The following GRM5 variants were observed in gnomAD, a reference collection of about 807,000 sequenced individuals.
GRM5 encodes glutamate metabotropic receptor 5, also known as metabotropic glutamate receptor 5.
Under a neutral mutation model 83.1 loss-of-function variants are expected in GRM5, and 19 were observed. The ratio of observed to expected loss-of-function variants is 0.23; its 90% CI spans 0.16 to 0.34. The LOEUF is 0.34. GRM5 is among the 10% of genes least tolerant of loss of function. The probability of loss-of-function intolerance (pLI) is 1.00; values close to 1 mark genes in which losing one functional copy is unlikely to be tolerated. For synonymous variants in GRM5, 675 were observed against 633.6 expected (o/e 1.07, Z -0.98); for missense variants, 1,160 against 1,588.3 (o/e 0.73, Z 4.58).
At chr11:89,061,395 C>G (rs980520872) in intron 1 of GRM5, among the ~76,000 whole-genome samples, 5 of 152,082 alleles carry the variant, frequency 3.3e-5, no homozygotes, top group Non-Finnish European at 7.4e-5. Context: ...CCAAAATGAT[C>G]ATTCTGTAAA....
At chr11:89,063,037 TCC>T (rs1375516364) in intron 1 of GRM5, among the ~76,000 whole-genome samples, 1 of 152,158 alleles carries the variant, frequency 6.6e-6, no homozygotes, top group Non-Finnish European at 1.5e-5. Context: ...CCACCCGCTG[TCC>T]CCCCTCTTCC....
rs557611612 is a variant in GRM5, at chr11:88,928,872, T to C, written c.662-78717A>G. Among the ~76,000 whole-genome samples the C allele has an allele frequency of 2.7e-5, 4 of 150,354 alleles. No individual in the cohort carries two copies. The South Asian group carries it at 6.3e-4, about 24-fold the overall frequency. On this transcript the variant is annotated intron_variant, in intron 2 of 9. Coordinates refer to ENST00000305447, the MANE Select transcript of GRM5 (RefSeq NM_001143831.3). ...GTAAGAAATATGGATGAAATTTTTTTCCCTTATTGGTTTGTACCTATGTGT... is the reference window on the plus strand; with the variant it reads ...GTAAGAAATATGGATGAAATTTTTTCCCCTTATTGGTTTGTACCTATGTGT...
chr11:88,798,825 AAACAAC>A (rs1555017420), intron 3 of GRM5, among the ~76,000 whole-genome samples: 3 of 145,236 alleles, frequency 2.1e-5, no homozygotes, highest in African/African-American at 7.6e-5. Flanking sequence ...AAAAAAAAAA[AAACAAC>A]AACAACAACA....
chr11:88,619,274 T>C (rs1369914321), intron 4 of GRM5, among the ~76,000 whole-genome samples: 1 of 152,232 alleles, frequency 6.6e-6, no homozygotes, highest in African/African-American at 2.4e-5. Flanking sequence ...AGAGAGCATC[T>C]ACTTTACAAG....
intron 4 of GRM5, among the ~76,000 whole-genome samples, chr11:88,652,788 A>G (rs1591413682): frequency 6.6e-6 from 1 of 152,214 alleles, no homozygotes; most frequent in Admixed American, 6.6e-5. Context: ...TGAAACCGTT[A>G]CTATGTGCTT....
chr11:88,739,997 A>G (rs1284970933), intron 3 of GRM5, among the ~76,000 whole-genome samples: 5 of 152,082 alleles, frequency 3.3e-5, no homozygotes. Flanking sequence ...TTCTTGGGAC[A>G]TTATATAAAG....
intron 2 of GRM5, among the ~76,000 whole-genome samples, chr11:88,902,490 G>T (rs1034361403): frequency 5.3e-5 from 8 of 152,052 alleles, no homozygotes; most frequent in African/African-American, 1.9e-4. Context: ...TAAATGAAGA[G>T]TAAGAAAATG....
At chr11:88,547,705 C>T (rs1310153133) in intron 8 of GRM5, among the ~76,000 whole-genome samples, 2 of 152,034 alleles carry the variant, frequency 1.3e-5, no homozygotes, top group African/African-American at 2.4e-5. Flanking sequence ...ATGAAGAGCA[C>T]AAGGAGTAGG....
At chr11:88,601,792 T>C (rs1406256190) in intron 5 of GRM5, among the ~76,000 whole-genome samples, 1 of 152,190 alleles carries the variant, frequency 6.6e-6, no homozygotes, top group African/African-American at 2.4e-5. Flanking sequence ...AACCCGAGAT[T>C]AGCAAACTTT....
chr11:89,033,347 T>C (rs1465650233), intron 2 of GRM5, among the ~76,000 whole-genome samples: 4 of 151,918 alleles, frequency 2.6e-5, no homozygotes, highest in Admixed American at 6.6e-5. Context: ...GTTTTTATTT[T>C]ATAAAAGTAT....
chr11:88,828,491 C>A (rs182046120), intron 3 of GRM5, among the ~76,000 whole-genome samples: 12 of 151,100 alleles, frequency 7.9e-5, no homozygotes, highest in African/African-American at 2.7e-4. Context: ...CATGACAGGA[C>A]AATATAAGAA....
chr11:88,695,130 A>G (rs1232687153), intron 3 of GRM5, among the ~76,000 whole-genome samples: 1 of 152,202 alleles, frequency 6.6e-6, no homozygotes, highest in Non-Finnish European at 1.5e-5. Flanking sequence ...AAGGAGAGAG[A>G]AAGAAAATAG....
chr11:88,880,406 T>C (rs1451576348), intron 2 of GRM5, among the ~76,000 whole-genome samples: 1 of 152,184 alleles, frequency 6.6e-6, no homozygotes, highest in African/African-American at 2.4e-5. Flanking sequence ...TATTCATTCA[T>C]TCTACCAATA....
At chr11:88,803,323 G>A (rs867559202) in intron 3 of GRM5, among the ~76,000 whole-genome samples, 214 of 151,964 alleles carry the variant, frequency 1.4e-3, no homozygotes, top group African/African-American at 5.0e-3. Context: ...GCATGGTACT[G>A]GTACCAAAAC....
At chr11:88,881,159 A>G (rs1050766035) in intron 2 of GRM5, among the ~76,000 whole-genome samples, 1 of 145,814 alleles carries the variant, frequency 6.9e-6, no homozygotes, top group Non-Finnish European at 1.5e-5. Flanking sequence ...AAAAAAAAAT[A>G]TTATTAAAAA....
intron 9 of GRM5, among the ~76,000 whole-genome samples, chr11:88,520,637 A>T (rs921906235): frequency 8.6e-5 from 13 of 151,940 alleles, no homozygotes; most frequent in Non-Finnish European, 1.8e-4. Flanking sequence ...TATCTTGGTC[A>T]TCCATTTATC....
chr11:88,793,001 C>T (rs1307432173), intron 3 of GRM5, among the ~76,000 whole-genome samples: 4 of 151,996 alleles, frequency 2.6e-5, no homozygotes, highest in African/African-American at 9.7e-5. Flanking sequence ...TAATATGCAT[C>T]ATCATGATCT....
intron 8 of GRM5, among the ~76,000 whole-genome samples, chr11:88,564,969 C>A (rs1942842574): frequency 6.6e-6 from 1 of 152,074 alleles, no homozygotes; most frequent in Admixed American, 6.5e-5. Flanking sequence ...GGTACAGTAA[C>A]TTTCATGAGT....
intron 3 of GRM5, among the ~76,000 whole-genome samples, chr11:88,670,796 G>A (rs959836015): frequency 1.6e-4 from 24 of 152,026 alleles, no homozygotes; most frequent in Admixed American, 1.5e-3. Context: ...AAAAACGATC[G>A]ACATAGTTCA....
Sources: gnomAD v4.1 joint callset for allele counts (sites outside exome capture counted in the v4.1 genomes callset) on GRCh38, gnomAD v4.1.1 for gene constraint, MANE v1.5 for transcripts, NCBI Gene and HGNC (gene_info 2026-07-23, HGNC 2026-07-21) for gene names.